The following AGBL5 variants were observed in gnomAD, a reference collection of about 807,000 sequenced individuals.
AGBL5 encodes AGBL carboxypeptidase 5, also known as cytosolic carboxypeptidase-like protein 5.
A neutral mutation model predicts 88.0 loss-of-function variants in AGBL5; 51 were observed. The ratio of observed to expected loss-of-function variants is 0.58; its 90% CI spans 0.46 to 0.73. The LOEUF is 0.73. Ranked by LOEUF, AGBL5 falls within the 30% of genes least tolerant of loss-of-function variation. The pLI is 0.00. For synonymous variants in AGBL5, 446 were observed against 438.8 expected (o/e 1.02, Z -0.21); for missense variants, 1,031 against 1,162.2 (o/e 0.89, Z 1.64).
At position 27,057,368 on chromosome 2, in the gene AGBL5, A is replaced by C. The variant is rs1195324161; in HGVS notation, c.1601A>C (p.Asp534Ala). ...SVNSIPAACH[D>A]NGRASPPPPP... ...AACAGCATCCCTGCTGCCTGCCATGACAATGGGCGTGCCAGCCCCCCTCCC... is the reference window on the plus strand; with the variant it reads ...AACAGCATCCCTGCTGCCTGCCATGCCAATGGGCGTGCCAGCCCCCCTCCC... The change falls in exon 9 of 15, where the codon GAC becomes GCC. Residue 534 changes from aspartate to alanine, a missense_variant. Coordinates refer to ENST00000360131, the MANE Select transcript of AGBL5 (RefSeq NM_021831.6). 1 of 1,614,116 alleles carries C rather than the reference A, an allele frequency of 6.2e-7. No individual in the cohort carries two copies. Among genetic ancestry groups the C allele is most frequent in the Admixed American group, 1.7e-5 (1 of 60,008 alleles).
intron 11 of AGBL5, among the ~76,000 whole-genome samples, chr2:27,067,282 G>A (rs1343859289): frequency 1.3e-5 from 2 of 150,422 alleles, no homozygotes; most frequent in African/African-American, 2.4e-5. Flanking sequence ...AAAACTAGCA[G>A]GATGAAGGCT....
In AGBL5 at chr2:27,053,016, G is replaced by A. The variant is rs780449273; in HGVS notation, c.58G>A (p.Ala20Thr). ...FSSRFDSGNL[A>T]HVEKVESLSS... ...TTCTCGCTTTGATTCAGGGAATCTA[G>A]CCCACGTGGAGAAGGTGGAATCTTT... Residue 20 changes from alanine to threonine, a missense_variant, in exon 2 of 15, where the codon GCC becomes ACC. Ala to Thr is a moderately conservative substitution (Grantham distance 58). Coordinates refer to ENST00000360131, the MANE Select transcript of AGBL5 (RefSeq NM_021831.6). This position sits in a 1 kb window ranked among gnomAD's most constrained non-coding sequence, Gnocchi z 4.9. 1 of 1,613,774 alleles carries A rather than the reference G, an allele frequency of 6.2e-7. No individual in the cohort carries two copies. The highest frequency in any genetic ancestry group is 8.5e-7 in the Non-Finnish European group (1 of 1,179,870).
At chr2:27,058,360 G>A in intron 9 of AGBL5, 40 bp from the exon 10 acceptor site, 2 of 1,609,674 alleles carry the variant, frequency 1.2e-6, no homozygotes, top group Non-Finnish European at 8.5e-7. Context: ...AGCCTGGATG[G>A]GAGGACCAGC....
chr2:27,053,240 A>G lies in AGBL5; in HGVS notation c.215+67A>G. ...CATGCTTCAGTTAGCCCTCTGACTT[A>G]TCTGTTCATACCCAGCATACTCCCT... is the stretch of plus-strand genomic sequence containing the variant. On this transcript the variant is annotated intron_variant, in intron 2 of 14. Coordinates refer to ENST00000360131, the MANE Select transcript of AGBL5 (RefSeq NM_021831.6). The surrounding 1 kb of genome is among the most constrained non-coding windows in gnomAD (Gnocchi z 4.9). 1 of 1,529,148 alleles carries G rather than the reference A, an allele frequency of 6.5e-7. No homozygotes were observed. The highest frequency in any genetic ancestry group is 1.9e-5 in the Admixed American group (1 of 52,244). 94.7% of individuals were successfully genotyped at this position (1,529,148 alleles called of 1,614,324 possible). A position where few individuals can be genotyped will look rare whatever the true frequency, so the allele number is the denominator to read the frequency against.
At chr2:27,050,913 A>G (rs535928836), upstream of AGBL5, 2 of 152,202 alleles carry the variant, frequency 1.3e-5, no homozygotes, top group Admixed American at 6.5e-5. Flanking sequence ...CAATTATCCC[A>G]TAAGGGGAAA....
chr2:27,064,547 C>T (rs902125060), intron 11 of AGBL5, among the ~76,000 whole-genome samples: 3 of 152,114 alleles, frequency 2.0e-5, no homozygotes, highest in Admixed American at 2.0e-4. Context: ...AGTGATCCAG[C>T]CGCCTCAGCC....
intron 11 of AGBL5, among the ~76,000 whole-genome samples, chr2:27,065,910 G>C (rs1235630185): frequency 6.6e-6 from 1 of 152,170 alleles, no homozygotes; most frequent in Non-Finnish European, 1.5e-5. Flanking sequence ...TTGCAGACTG[G>C]AACTATAGTG....
chr2:27,069,383 A>G (rs929963747), intron 13 of AGBL5, 190 bp from the exon 14 acceptor site: 1 of 985,434 alleles, frequency 1.0e-6, no homozygotes, highest in African/African-American at 1.7e-5. Context: ...TGGAGTGCAT[A>G]GTCATGGACT....
At chr2:27,055,547 A>G in intron 6 of AGBL5, 135 bp from the exon 7 acceptor site, 1 of 915,972 alleles carries the variant, frequency 1.1e-6, no homozygotes, top group Non-Finnish European at 1.6e-6. Context: ...CCTGTCTTCA[A>G]TTCTTTCTTT....
At position 27,070,132 on chromosome 2, in the gene AGBL5, G is replaced by T; in HGVS notation, c.2530G>T (p.Ala844Ser). The change falls in exon 15 of 15, where the codon GCC becomes TCC. Residue 844 changes from alanine (A) to serine (S), a missense_variant. By Grantham distance (99) the Ala-to-Ser change is moderately conservative. Around this residue, in one of 2 missense-constraint regions of AGBL5, gnomAD observed 491 missense variants for 484.0 expected, o/e 1.01. Coordinates refer to ENST00000360131, the MANE Select transcript of AGBL5 (RefSeq NM_021831.6). ...GCCCCCACGGCCCCGCTCTGCCCCT[G>T]CCTTTTCTCCTATATCCTGTAGTCT... ...ARPPRPRSAP[A>S]FSPISCSLSD... 1.5e-5 allele frequency: 25 copies of T among 1,614,114 alleles called. No homozygotes were observed. Among genetic ancestry groups the T allele is most frequent in the Non-Finnish European group, 2.0e-5 (24 of 1,179,996 alleles).
Position 27,068,678 on chromosome 2 carries a change from C to T in AGBL5, c.2289C>T (p.Val763=), listed in dbSNP as rs988851975. The T allele has an allele frequency of 1.6e-5, 26 of 1,614,038 alleles. No homozygotes were observed. The highest frequency in any genetic ancestry group is 2.0e-5 in the Non-Finnish European group (24 of 1,180,042). Residue 763 remains valine, a synonymous_variant, in exon 13 of 15, where the codon GTC becomes GTT. Transcript: ENST00000360131. ...CCTCTGGAGACAAACCAGAGGCTGT[C>T]ATGGTAATCGGGAAAGGTCTGCTAG... is the stretch of plus-strand genomic sequence containing the variant. ...LLSSGDKPEA[V]MVIGKGLLGT...
intron 13 of AGBL5, chr2:27,069,052 G>A (rs907955794): frequency 2.2e-6 from 3 of 1,372,672 alleles, no homozygotes; most frequent in Non-Finnish European, 2.9e-6. Flanking sequence ...GCCCAGACCT[G>A]TCCGAGGAGA....
chr2:27,056,791 A>G lies in AGBL5; in HGVS notation c.1534A>G (p.Ser512Gly). The part of the protein sequence containing the change: ...AIYKASGIIH[S>G]YTLECNYNTG... ...CTACAAAGCCTCAGGGATAATCCAC[A>G]GGTTGGGTGGAAGCTGAGATATAGT... Residue 512 changes from serine (S) to glycine (G), a missense_variant and splice_region_variant, in exon 8 of 15, where the codon AGC becomes GGC. Physicochemically the swap from Ser to Gly is moderately conservative, Grantham distance 56. Transcript: ENST00000360131. 2 of 1,599,440 alleles carry G rather than the reference A, an allele frequency of 1.3e-6. No homozygotes were observed. The highest frequency in any genetic ancestry group is 1.7e-6 in the Non-Finnish European group (2 of 1,171,512).
rs1415174554 is a variant in AGBL5, at chr2:27,053,237, C to G, written c.215+64C>G. 2.6e-6 allele frequency: 4 copies of G among 1,531,766 alleles called. No homozygotes were observed. The highest frequency in any genetic ancestry group is 3.5e-6 in the Non-Finnish European group (4 of 1,131,406). The allele number at this position is 1,531,766 out of a possible 1,614,324, so 94.9% of individuals were successfully genotyped here. A position where few individuals can be genotyped will look rare whatever the true frequency, so the allele number is the denominator to read the frequency against. ...ACCCATGCTTCAGTTAGCCCTCTGA[C>G]TTATCTGTTCATACCCAGCATACTC... On this transcript the variant is annotated intron_variant, in intron 2 of 14. Transcript: ENST00000360131. The surrounding 1 kb of genome is among the most constrained non-coding windows in gnomAD (Gnocchi z 4.9).
At chr2:27,067,401 T>C (rs1201638543) in intron 11 of AGBL5, 93 bp from the exon 12 acceptor site, 2 of 1,317,076 alleles carry the variant, frequency 1.5e-6, no homozygotes, top group African/African-American at 1.5e-5. Flanking sequence ...AAAACTGGCA[T>C]CTTTTGACCA....
intron 11 of AGBL5, among the ~76,000 whole-genome samples, chr2:27,064,645 T>G (rs1266476336): frequency 1.3e-5 from 2 of 151,242 alleles, no homozygotes; most frequent in Non-Finnish European, 3.0e-5. Context: ...TATCTCCTCA[T>G]AATAGAGTAG....
At chr2:27,057,144 G>A in intron 8 of AGBL5, 159 bp from the exon 9 acceptor site, 1 of 766,754 alleles carries the variant, frequency 1.3e-6, no homozygotes, top group Non-Finnish European at 2.1e-6. Context: ...ATATGGTACA[G>A]TACCAAGGTC....
At position 27,055,887 on chromosome 2, in the gene AGBL5, C is replaced by CA. The variant is rs1326614329; in HGVS notation, c.1118dup (p.Asn373LysfsTer2). 2 of 1,614,194 alleles carry CA rather than the reference C, an allele frequency of 1.2e-6. No individual in the cohort carries two copies. Among genetic ancestry groups the CA allele is most frequent in the Non-Finnish European group, 1.7e-6 (2 of 1,180,024 alleles). ...TGACCTGGAGAAAGCCAACAATCTC[C>CA]AAAATGAAGCTCAGTGTGGGCACTC... On this transcript the variant is annotated frameshift_variant, in exon 7 of 15. Transcript: ENST00000360131. LOFTEE classifies it high-confidence loss of function.
chr2:27,057,974 G>C (rs892452759), intron 9 of AGBL5, among the ~76,000 whole-genome samples: 1 of 152,052 alleles, frequency 6.6e-6, no homozygotes, highest in Non-Finnish European at 1.5e-5. Context: ...TGCTCAGGAG[G>C]CTGAGGCAGG....
Sources: allele counts gnomAD v4.1 joint callset (sites outside exome capture counted in the v4.1 genomes callset), GRCh38; gene constraint gnomAD v4.1.1; regional missense constraint gnomAD v4.1.1; non-coding constraint Gnocchi (gnomAD v3.1); transcripts MANE v1.5; gene names NCBI Gene and HGNC (gene_info 2026-07-23, HGNC 2026-07-21).